DNAH14: variants seen among roughly 807,000 people sequenced by gnomAD.
DNAH14 encodes dynein axonemal heavy chain 14.
DNAH14 carries 478 observed loss-of-function variants against 520.9 expected under a neutral mutation model. The ratio of observed to expected loss-of-function variants is 0.92; its 90% CI spans 0.85 to 0.99. DNAH14 has a LOEUF of 0.99. Ranked by LOEUF, DNAH14 falls within the 50% of genes least tolerant of loss-of-function variation. The probability of loss-of-function intolerance (pLI) is 0.00; values close to 1 mark genes in which losing one functional copy is unlikely to be tolerated. For synonymous variants in DNAH14, 1,581 were observed against 1,757.2 expected, an observed-to-expected ratio of 0.90 and a Z score of 2.51; for missense variants, 4,831 against 5,234.5, an observed-to-expected ratio of 0.92 and a Z score of 2.38.
intron 35 of DNAH14, among the ~76,000 whole-genome samples, chr1:225,163,708 C>T (rs1389493454): frequency 6.6e-6 from 1 of 152,296 alleles, no homozygotes; most frequent in Admixed American, 6.5e-5. Flanking sequence ...ATAAATCTGA[C>T]TTGGTCATAA....
intron 28 of DNAH14, among the ~76,000 whole-genome samples, chr1:225,142,558 G>A (rs1286514113): frequency 1.3e-5 from 2 of 152,172 alleles, no homozygotes; most frequent in African/African-American, 4.8e-5. Context: ...ACGATTGCAA[G>A]TATCCAATCT....
At chr1:225,166,916 G>C (rs12410491) in intron 35 of DNAH14, among the ~76,000 whole-genome samples, 1 of 152,108 alleles carries the variant, frequency 6.6e-6, no homozygotes, top group South Asian at 2.1e-4. Context: ...AAACTCATTA[G>C]CCAGGTGGGA....
intron 46 of DNAH14, among the ~76,000 whole-genome samples, chr1:225,263,372 C>T (rs767694930): frequency 1.3e-5 from 2 of 151,402 alleles, no homozygotes; most frequent in Non-Finnish European, 2.9e-5. Context: ...TCTCAATAAA[C>T]GGGACGCAGT....
At chr1:225,026,874 C>T (rs2066156987) in intron 11 of DNAH14, among the ~76,000 whole-genome samples, 2 of 152,060 alleles carry the variant, frequency 1.3e-5, no homozygotes, top group Admixed American at 1.3e-4. Context: ...ATAGTATAGT[C>T]TTCCAGTCCA....
chr1:225,182,003 A>G (rs1480916760), intron 36 of DNAH14, among the ~76,000 whole-genome samples: 1 of 152,186 alleles, frequency 6.6e-6, no homozygotes. Context: ...CATGGCCAAC[A>G]TGGTGAAACC....
intron 42 of DNAH14, among the ~76,000 whole-genome samples, chr1:225,237,228 A>G (rs2091651830): frequency 6.6e-6 from 1 of 152,072 alleles, no homozygotes; most frequent in Admixed American, 6.5e-5. Context: ...TGTGTACTTC[A>G]GTGCATTTTT....
intron 11 of DNAH14, among the ~76,000 whole-genome samples, chr1:225,036,429 C>T (rs1450860349): frequency 1.3e-5 from 2 of 152,144 alleles, no homozygotes; most frequent in Admixed American, 1.3e-4. Context: ...GCCACCACGC[C>T]CTGCCCAGAC....
chr1:225,071,662 G>A (rs1451031444), intron 17 of DNAH14, among the ~76,000 whole-genome samples: 1 of 152,058 alleles, frequency 6.6e-6, no homozygotes, highest in African/African-American at 2.4e-5. Context: ...AATTTATAAA[G>A]GAAAGAGATT....
At chr1:225,299,426 G>T (rs777988799) in intron 55 of DNAH14, among the ~76,000 whole-genome samples, 5 of 151,776 alleles carry the variant, frequency 3.3e-5, no homozygotes, top group African/African-American at 4.8e-5. Flanking sequence ...TCATATTTTT[G>T]AGAGCAAATC....
chr1:225,085,748 C>T lies in DNAH14; in HGVS notation c.3532C>T (p.Leu1178Phe). The T allele has an allele frequency of 1.3e-6, 2 of 1,551,114 alleles. No individual in the cohort carries two copies. The highest frequency in any genetic ancestry group is 1.7e-6 in the Non-Finnish European group (2 of 1,146,746). ...TCAGTTAGAAGAGTCTCAAGTCATA[C>T]TTGCAACAATTAAAGGATCTCCCCA... Reference protein sequence around the residue: ...SAQLEESQVILATIKGSPHIG... With the variant: ...SAQLEESQVIFATIKGSPHIG... Residue 1178 changes from leucine to phenylalanine, a missense_variant, in exon 21 of 86, where the codon CTT becomes TTT. By Grantham distance (22) the Leu-to-Phe change is conservative. Coordinates refer to ENST00000682510, the MANE Select transcript of DNAH14 (RefSeq NM_001367479.1).
In DNAH14 at chr1:225,353,830, CGT is replaced by C; in HGVS notation, c.11564_11565del (p.Cys3855Ter). On this transcript the variant is annotated frameshift_variant, in exon 73 of 86. Coordinates refer to ENST00000682510, the MANE Select transcript of DNAH14 (RefSeq NM_001367479.1). LOFTEE classifies it high-confidence loss of function. ...GAACTTTTGAATGAAAATAAAGAAA[CGT>C]GTAATCCTATAAATTTTCCCTGGGA... 8 of 1,516,312 alleles carry C rather than the reference CGT, an allele frequency of 5.3e-6. No individual in the cohort carries two copies. The highest frequency in any genetic ancestry group is 7.1e-6 in the Non-Finnish European group (8 of 1,122,404). 93.9% of individuals were successfully genotyped at this position (1,516,312 alleles called of 1,614,324 possible). A position where few individuals can be genotyped will look rare whatever the true frequency, so the allele number is the denominator to read the frequency against.
chr1:225,398,046 CAAAAAA>C (rs11458055), intron 84 of DNAH14: 15 of 66,832 alleles, frequency 2.2e-4, no homozygotes, highest in Middle Eastern at 0.01. Context: ...GACCCCATGT[CAAAAAA>C]AAAAAAAAAA....
chr1:225,025,079 T>C (rs1474365381), intron 11 of DNAH14, among the ~76,000 whole-genome samples: 1 of 152,126 alleles, frequency 6.6e-6, no homozygotes, highest in Non-Finnish European at 1.5e-5. Flanking sequence ...GGCTCACACC[T>C]GTAATCACAA....
At chr1:225,213,005 T>C (rs939798705) in intron 41 of DNAH14, among the ~76,000 whole-genome samples, 4 of 152,190 alleles carry the variant, frequency 2.6e-5, no homozygotes, top group Non-Finnish European at 5.9e-5. Flanking sequence ...CTGAATGGTA[T>C]TGCCTAGATT....
intron 55 of DNAH14, among the ~76,000 whole-genome samples, chr1:225,290,502 A>G (rs2093843222): frequency 6.6e-6 from 1 of 151,310 alleles, no homozygotes; most frequent in African/African-American, 2.4e-5. Flanking sequence ...TACAGCATCC[A>G]GGCTTCTGTT....
intron 41 of DNAH14, among the ~76,000 whole-genome samples, chr1:225,209,758 A>G (rs1018176895): frequency 6.6e-6 from 1 of 152,182 alleles, no homozygotes; most frequent in Non-Finnish European, 1.5e-5. Flanking sequence ...AGCGAGATCA[A>G]CGCAGAAGGT....
chr1:225,276,987 G>A (rs71527025), intron 53 of DNAH14, among the ~76,000 whole-genome samples: 8,924 of 26,184 alleles, frequency 0.34, 900 homozygotes, highest in South Asian at 0.37. Flanking sequence ...GGAAGGAAGG[G>A]AGGGAGGAAG....
At chr1:225,379,681 T>C (rs1192027206) in intron 79 of DNAH14, among the ~76,000 whole-genome samples, 1 of 151,970 alleles carries the variant, frequency 6.6e-6, no homozygotes, top group Non-Finnish European at 1.5e-5. Flanking sequence ...GCGCCCACCA[T>C]GCCTGGCTAA....
chr1:225,292,919 G>C (rs2093924669), intron 55 of DNAH14, among the ~76,000 whole-genome samples: 1 of 151,868 alleles, frequency 6.6e-6, no homozygotes, highest in Admixed American at 6.6e-5. Flanking sequence ...TTCATATATA[G>C]AAACATTACT....
Sources: allele counts gnomAD v4.1 joint callset (sites outside exome capture counted in the v4.1 genomes callset), GRCh38; gene constraint gnomAD v4.1.1; transcripts MANE v1.5; gene names NCBI Gene and HGNC (gene_info 2026-07-23, HGNC 2026-07-21).